The following RSPH1 variants were observed in gnomAD, a reference collection of about 807,000 sequenced individuals.
RSPH1 encodes radial spoke head 1 homolog.
RSPH1 carries 32 observed loss-of-function variants against 44.2 expected under a neutral mutation model. The ratio of observed to expected loss-of-function variants is 0.72; its 90% CI spans 0.55 to 0.97. RSPH1 has a LOEUF of 0.97. Among genes scored for constraint, RSPH1 ranks in the 50% least tolerant of loss-of-function variants. The pLI is 0.00. For missense variants in RSPH1, 391 were observed against 398.7 expected, an observed-to-expected ratio of 0.98 and a Z score of 0.16; for synonymous variants, 134 against 147.3, an observed-to-expected ratio of 0.91 and a Z score of 0.65.
intron 4 of RSPH1, chr21:42,486,097 C>A: frequency 1.7e-6 from 1 of 573,858 alleles, no homozygotes; most frequent in Admixed American, 3.0e-5. Flanking sequence ...TCAGGTCCCC[C>A]AGTGGCTCTT....
chr21:42,479,074 T>C (rs112621923), intron 6 of RSPH1, among the ~76,000 whole-genome samples: 2,630 of 152,328 alleles, frequency 0.017, 33 homozygotes, highest in Middle Eastern at 0.051. Flanking sequence ...CTGAACGTAC[T>C]GAATGCCACT....
chr21:42,492,369 C>A (rs946542700), intron 3 of RSPH1, among the ~76,000 whole-genome samples: 2 of 152,258 alleles, frequency 1.3e-5, no homozygotes, highest in Non-Finnish European at 2.9e-5. Flanking sequence ...AGAAATAACA[C>A]ATCCGTCAGA....
chr21:42,485,752 T>C lies in RSPH1; in HGVS notation c.418A>G (p.Thr140Ala). Residue 140 changes from threonine to alanine, a missense_variant, in exon 5 of 9, where the codon ACC becomes GCC. Physicochemically the swap from Thr to Ala is moderately conservative, Grantham distance 58 (BLOSUM62 0). Transcript: ENST00000291536. ...YAETGSKYVG[T>A]WVNGQQEGTA... ...CCCTCCTGCTGTCCGTTCACCCAGGTGCCAACATACTTACTGCCCGTCTCC... is the reference window on the plus strand; with the variant it reads ...CCCTCCTGCTGTCCGTTCACCCAGGCGCCAACATACTTACTGCCCGTCTCC... 6.2e-7 allele frequency: 1 copy of C among 1,614,192 alleles called. No individual in the cohort carries two copies. The highest frequency in any genetic ancestry group is 8.5e-7 in the Non-Finnish European group (1 of 1,180,032).
At chr21:42,475,534 C>T (rs2054036568) in intron 8 of RSPH1, among the ~76,000 whole-genome samples, 1 of 148,688 alleles carries the variant, frequency 6.7e-6, no homozygotes, top group African/African-American at 2.5e-5. Flanking sequence ...CACCACTGTA[C>T]TCCAGCCTGG....
chr21:42,481,307 G>A, intron 6 of RSPH1, among the ~76,000 whole-genome samples: 1 of 152,066 alleles, frequency 6.6e-6, no homozygotes. Context: ...AGCTTCCTGA[G>A]ACCTCACCAG....
chr21:42,496,169 C>G lies in RSPH1; in HGVS notation c.18G>C (p.Ser6=). The part of the protein sequence containing the change: MSDLG[S]EELEEEGEND... ...TCTCTCCCTCCTCCTCCAACTCCTC[C>G]GAGCCCAGGTCCGACATGGTCTCGC... The change falls in exon 1 of 9, where the codon TCG becomes TCC. Residue 6 remains serine, a synonymous_variant. Transcript: ENST00000291536. 1 of 1,614,156 alleles carries G rather than the reference C, an allele frequency of 6.2e-7. No homozygotes were observed. The highest frequency in any genetic ancestry group is 2.2e-5 in the East Asian group (1 of 44,868).
intron 6 of RSPH1, among the ~76,000 whole-genome samples, chr21:42,480,300 G>A (rs2054112539): frequency 6.6e-6 from 1 of 152,160 alleles, no homozygotes; most frequent in Non-Finnish European, 1.5e-5. Flanking sequence ...ACTCCCTTTG[G>A]TTTTAGAATC....
chr21:42,481,074 G>A (rs1356679241), intron 6 of RSPH1, among the ~76,000 whole-genome samples: 1 of 152,184 alleles, frequency 6.6e-6, no homozygotes, highest in Non-Finnish European at 1.5e-5. Flanking sequence ...TGACCCCCGG[G>A]GTTGGAGGTG....
chr21:42,481,333 G>A (rs559407994), intron 6 of RSPH1, among the ~76,000 whole-genome samples: 14 of 152,190 alleles, frequency 9.2e-5, no homozygotes, highest in South Asian at 8.3e-4. Flanking sequence ...AGGCAGTTGC[G>A]GGTGCCATGC....
intron 5 of RSPH1, chr21:42,485,251 G>GTA: frequency 2.3e-5 from 4 of 170,902 alleles, no homozygotes; most frequent in South Asian, 1.4e-4. Flanking sequence ...AGGGAGCTGG[G>GTA]GGTCTTCCTC....
intron 8 of RSPH1, among the ~76,000 whole-genome samples, chr21:42,475,071 G>A (rs539429888): frequency 1.2e-4 from 19 of 152,292 alleles, no homozygotes; most frequent in African/African-American, 3.6e-4. Flanking sequence ...TAAGGGAAGC[G>A]AGTCCTCTCT....
At chr21:42,485,258 CCTCCCCAG>C in intron 5 of RSPH1, 1 of 171,528 alleles carries the variant, frequency 5.8e-6, no homozygotes, top group Admixed American at 5.7e-5. Flanking sequence ...TGGGGGTCTT[CCTCCCCAG>C]GGATGTCGCA....
intron 3 of RSPH1, among the ~76,000 whole-genome samples, chr21:42,491,816 A>C (rs1262038352): frequency 6.6e-6 from 1 of 152,190 alleles, no homozygotes; most frequent in Non-Finnish European, 1.5e-5. Context: ...CCTCCTCACT[A>C]AGAAGTGATG....
intron 6 of RSPH1, among the ~76,000 whole-genome samples, chr21:42,480,574 A>C (rs2054115985): frequency 1.6e-5 from 2 of 125,312 alleles, no homozygotes; most frequent in South Asian, 5.6e-4. Context: ...CGGGAGGTGG[A>C]GTTTGCGTTG....
chr21:42,472,667 G>A lies in RSPH1; in HGVS notation c.*151C>T, dbSNP rs2054003596. 1 of 576,524 alleles carries A rather than the reference G, an allele frequency of 1.7e-6. No individual in the cohort carries two copies. The highest frequency in any genetic ancestry group is 3.1e-6 in the Non-Finnish European group (1 of 323,710). 35.7% of individuals were successfully genotyped at this position (576,524 alleles called of 1,614,324 possible). A position where few individuals can be genotyped will look rare whatever the true frequency, so the allele number is the denominator to read the frequency against. ...CACCCAGGCTGGAGAGCAGTGGCGC[G>A]ATCTCCACTCACTGCAACTGCCACT... On this transcript the variant is annotated 3_prime_UTR_variant, in exon 9 of 9. Transcript: ENST00000291536.
chr21:42,485,662 G>A lies in RSPH1; in HGVS notation c.501+7C>T, dbSNP rs201034280. 2.8e-3 allele frequency: 4,534 copies of A among 1,613,966 alleles called. 13 individuals carry two copies. The highest frequency in any genetic ancestry group is 3.6e-3 in the Non-Finnish European group (4,268 of 1,180,020). On this transcript the variant is annotated splice_region_variant and intron_variant, in intron 5 of 8. Transcript: ENST00000291536. ...TCATTGGCAAATGTCACTTCCCATG[G>A]ACTTACATTTTTGTTCAAGAACTTG...
intron 8 of RSPH1, among the ~76,000 whole-genome samples, chr21:42,473,974 G>A (rs1021277316): frequency 2.0e-5 from 3 of 152,174 alleles, no homozygotes; most frequent in Admixed American, 6.5e-5. Context: ...CACAGTCTCA[G>A]ACGCCCGCTG....
At chr21:42,487,702 A>G (rs547166387) in intron 3 of RSPH1, among the ~76,000 whole-genome samples, 6 of 152,388 alleles carry the variant, frequency 3.9e-5, no homozygotes, top group South Asian at 2.1e-4. Context: ...CAAAACTTAC[A>G]TAAGCTTCTG....
chr21:42,486,223 A>G lies in RSPH1; in HGVS notation c.365+148T>C, dbSNP rs1010605593. ...TTGCACAGAAAGGCATCCTTGCCTC[A>G]AAGCCATAGAAAGATTGGACCTGCC... On this transcript the variant is annotated intron_variant, in intron 4 of 8. Transcript: ENST00000291536. 79 of 667,260 alleles carry G rather than the reference A, an allele frequency of 1.2e-4. 1 individual carries two copies. The South Asian group carries it at 1.4e-3, about 12-fold the overall frequency. 41.3% of individuals were successfully genotyped at this position (667,260 alleles called of 1,614,324 possible). A position where few individuals can be genotyped will look rare whatever the true frequency, so the allele number is the denominator to read the frequency against.
Sources: gnomAD v4.1 joint callset for allele counts (sites outside exome capture counted in the v4.1 genomes callset) on GRCh38, gnomAD v4.1.1 for gene constraint, MANE v1.5 for transcripts, NCBI Gene and HGNC (gene_info 2026-07-23, HGNC 2026-07-21) for gene names.